HMGA2: variants seen among roughly 807,000 people sequenced by gnomAD.
HMGA2 encodes high mobility group protein HMGI-C.
In HMGA2, 8 loss-of-function variants were observed where a neutral mutation model predicts 19.1. That is an observed-to-expected ratio of 0.42 (90% confidence interval 0.25 to 0.76). HMGA2 has a LOEUF of 0.76. Among genes scored for constraint, HMGA2 ranks in the 30% least tolerant of loss-of-function variants. The probability of loss-of-function intolerance (pLI) is 0.28; values close to 1 mark genes in which losing one functional copy is unlikely to be tolerated. For missense variants in HMGA2, 109 were observed against 136.3 expected, an observed-to-expected ratio of 0.80 and a Z score of 1.00; for synonymous variants, 60 against 48.8, an observed-to-expected ratio of 1.23 and a Z score of -0.96.
chr12:65,861,040 T>A (rs1412168918), intron 3 of HMGA2, among the ~76,000 whole-genome samples: 2 of 152,078 alleles, frequency 1.3e-5, no homozygotes, highest in Admixed American at 6.5e-5. Flanking sequence ...TTCTTCAAAA[T>A]TAAGAAAAAA....
At chr12:65,884,394 A>G (rs1873572163) in intron 3 of HMGA2, among the ~76,000 whole-genome samples, 1 of 152,200 alleles carries the variant, frequency 6.6e-6, no homozygotes, top group African/African-American at 2.4e-5. Context: ...GGTCTCAAGC[A>G]TTTCAGACAC....
intron 3 of HMGA2, among the ~76,000 whole-genome samples, chr12:65,874,620 C>T (rs1180611753): frequency 6.6e-6 from 1 of 152,182 alleles, no homozygotes; most frequent in African/African-American, 2.4e-5. Context: ...GTTCTTCAAG[C>T]TGCTTTATAA....
At chr12:65,878,559 CAA>C (rs1202119010) in intron 3 of HMGA2, among the ~76,000 whole-genome samples, 6 of 152,150 alleles carry the variant, frequency 3.9e-5, no homozygotes, top group Non-Finnish European at 4.4e-5. Flanking sequence ...ATATTGACAT[CAA>C]AGTTTCAACA....
intron 3 of HMGA2, 64 bp downstream of exon 3, chr12:65,838,633 GAA>G: frequency 1.7e-6 from 2 of 1,211,544 alleles, no homozygotes; most frequent in Non-Finnish European, 2.4e-6. Context: ...TATTAAATGA[GAA>G]AAGTTTTATT....
rs572287345 is a variant in HMGA2 at position 65,868,087 on chromosome 12, T to A, written c.249+29518T>A. 3.3e-5 allele frequency among the ~76,000 whole-genome samples: 5 copies of A among 152,284 alleles called. No homozygotes were observed. In the South Asian group the frequency reaches 6.2e-4, roughly 19 times the overall value. ...TTGCTTACAAAATAATCTTTATGCATCTGAGAGGGAGCAAATATTCAGTAA... is the reference window on the plus strand; with the variant it reads ...TTGCTTACAAAATAATCTTTATGCAACTGAGAGGGAGCAAATATTCAGTAA... On this transcript the variant is annotated intron_variant, in intron 3 of 4. Coordinates refer to ENST00000403681, the MANE Select transcript of HMGA2 (RefSeq NM_003483.6).
chr12:65,916,066 C>A (rs1430663180), intron 3 of HMGA2, among the ~76,000 whole-genome samples: 1 of 152,076 alleles, frequency 6.6e-6, no homozygotes, highest in Non-Finnish European at 1.5e-5. Context: ...GTCATCCTTG[C>A]CAGAAAAGAA....
intron 3 of HMGA2, among the ~76,000 whole-genome samples, chr12:65,919,072 G>A (rs1401316245): frequency 1.3e-5 from 2 of 152,294 alleles, no homozygotes; most frequent in African/African-American, 4.8e-5. Context: ...TTTTCCCACA[G>A]AAGATGGGCA....
In HMGA2 at chr12:65,870,934, A is replaced by T. The variant is rs1045266373; in HGVS notation, c.249+32365A>T. Among the ~76,000 whole-genome samples, 3 of 152,304 alleles carry T rather than the reference A, an allele frequency of 2.0e-5. No homozygotes were observed. In the East Asian group the frequency reaches 5.8e-4, roughly 29 times the overall value. On this transcript the variant is annotated intron_variant, in intron 3 of 4. Transcript: ENST00000403681. ...ACAGTGAACCTAAACGCTTTGTGGT[A>T]GCAGGTCACAGGGGCCGTGCATACA...
chr12:65,893,056 A>G (rs1444442796), intron 3 of HMGA2, among the ~76,000 whole-genome samples: 1 of 152,198 alleles, frequency 6.6e-6, no homozygotes, highest in Non-Finnish European at 1.5e-5. Context: ...TGACAGATTT[A>G]TACTGATGGC....
At chr12:65,852,165 C>T (rs545500959) in intron 3 of HMGA2, among the ~76,000 whole-genome samples, 43 of 152,134 alleles carry the variant, frequency 2.8e-4, no homozygotes, top group Non-Finnish European at 5.3e-4. Context: ...AAGCACCTTG[C>T]AATCATAAGG....
At chr12:65,916,679 A>G (rs1875114209) in intron 3 of HMGA2, among the ~76,000 whole-genome samples, 1 of 152,152 alleles carries the variant, frequency 6.6e-6, no homozygotes, top group Non-Finnish European at 1.5e-5. Flanking sequence ...GTGTATGAAT[A>G]TATGTTTTTT....
At chr12:65,927,111 A>G (rs12424216) in intron 3 of HMGA2, among the ~76,000 whole-genome samples, 31,209 of 151,994 alleles carry the variant, frequency 0.21, 3,375 homozygotes, top group South Asian at 0.32. Context: ...ACTCATTTTA[A>G]ACGCACAACT....
At chr12:65,826,665 A>T (rs1230238176) in intron 1 of HMGA2, 1 of 152,042 alleles carries the variant, frequency 6.6e-6, no homozygotes, top group East Asian at 1.9e-4. Flanking sequence ...CGCTCTGCCC[A>T]AGCGACACTT....
chr12:65,839,131 A>G (rs2120876385), intron 3 of HMGA2, among the ~76,000 whole-genome samples: 1 of 151,516 alleles, frequency 6.6e-6, no homozygotes, highest in Middle Eastern at 3.4e-3. Flanking sequence ...TTCCCTTAGT[A>G]GTCATTCTCC....
chr12:65,964,979 G>A lies in HMGA2; in HGVS notation c.*1687G>A, dbSNP rs1178160603. 1 of 188,124 alleles carries A rather than the reference G, an allele frequency of 5.3e-6. No individual in the cohort carries two copies. The highest frequency in any genetic ancestry group is 1.1e-5 in the Non-Finnish European group (1 of 89,194). The allele number at this position is 188,124 out of a possible 1,614,324, so 11.7% of individuals were successfully genotyped here. On this transcript the variant is annotated 3_prime_UTR_variant, in exon 5 of 5. Coordinates refer to ENST00000403681, the MANE Select transcript of HMGA2 (RefSeq NM_003483.6). Reference sequence around the variant, plus strand: ...AAAGACCTACCTCCAGACTTCAAAAGGAATGAACTTGTTACTTGCAGCATT... The same window carrying A: ...AAAGACCTACCTCCAGACTTCAAAAAGAATGAACTTGTTACTTGCAGCATT...
At chr12:65,838,841 A>G (rs1362615496) in intron 3 of HMGA2, among the ~76,000 whole-genome samples, 2 of 152,142 alleles carry the variant, frequency 1.3e-5, no homozygotes, top group Non-Finnish European at 2.9e-5. Flanking sequence ...AAATAGGGTA[A>G]CAATGAGATG....
chr12:65,885,065 A>G (rs537845024), intron 3 of HMGA2, among the ~76,000 whole-genome samples: 11 of 152,288 alleles, frequency 7.2e-5, no homozygotes, highest in African/African-American at 2.6e-4. Flanking sequence ...TCTTCTAAGA[A>G]ATTTTCATTC....
intron 3 of HMGA2, chr12:65,877,144 A>G (rs1429700586): frequency 6.6e-6 from 1 of 152,268 alleles, no homozygotes; most frequent in African/African-American, 2.4e-5. Context: ...TGATAAGAAC[A>G]AAAACAAAAA....
intron 3 of HMGA2, among the ~76,000 whole-genome samples, chr12:65,888,851 C>T (rs1311643422): frequency 1.3e-5 from 2 of 148,354 alleles, no homozygotes; most frequent in Admixed American, 6.7e-5. Flanking sequence ...GTGTGAGCCA[C>T]GGCGCCCGGC....
Sources: gnomAD v4.1 joint callset for allele counts (sites outside exome capture counted in the v4.1 genomes callset) on GRCh38, gnomAD v4.1.1 for gene constraint, MANE v1.5 for transcripts, NCBI Gene and HGNC (gene_info 2026-07-23, HGNC 2026-07-21) for gene names.